BLOC1S3: variants seen among roughly 807,000 people sequenced by gnomAD.
The protein encoded by BLOC1S3 is biogenesis of lysosomal organelles complex 1 subunit 3.
A neutral mutation model predicts 9.1 loss-of-function variants in BLOC1S3; 7 were observed. That is an observed-to-expected ratio of 0.77 (90% CI 0.44 to 1.45). BLOC1S3 has a LOEUF of 1.45. BLOC1S3 is among the 40% of genes most tolerant of loss of function. The probability of loss-of-function intolerance (pLI) is 0.01; values close to 1 mark genes in which losing one functional copy is unlikely to be tolerated. For synonymous variants in BLOC1S3, 145 were observed against 158.4 expected (o/e 0.92, Z 0.64); for missense variants, 307 against 315.2 (o/e 0.97, Z 0.20).
intron 2 of BLOC1S3, among the ~76,000 whole-genome samples, chr19:45,190,772 C>CTCTTATTTTATTTTA (rs1969598342): frequency 1.1e-5 from 1 of 95,164 alleles, no homozygotes; most frequent in African/African-American, 3.4e-5. Flanking sequence ...GTCACTGATG[C>CTCTTATTTTATTTTA]TTTTATTTTA....
intron 3 of BLOC1S3, among the ~76,000 whole-genome samples, chr19:45,205,173 TG>T: frequency 6.6e-6 from 1 of 152,090 alleles, no homozygotes; most frequent in Non-Finnish European, 1.5e-5. Flanking sequence ...AAATTGTGTG[TG>T]TGTGTGTGTG....
At chr19:45,186,372 A>G (rs905914055), downstream of BLOC1S3, among the ~76,000 whole-genome samples, 1 of 152,174 alleles carries the variant, frequency 6.6e-6, no homozygotes, top group Admixed American at 6.6e-5. Context: ...TACGTTGCTC[A>G]GGCTGGTCTT....
At chr19:45,189,596 CTTT>C (rs71338753) in intron 2 of BLOC1S3, among the ~76,000 whole-genome samples, 3 of 116,002 alleles carry the variant, frequency 2.6e-5, no homozygotes, top group Non-Finnish European at 3.7e-5. Flanking sequence ...CCAAGCCTGG[CTTT>C]TTTTTTTTTT....
At chr19:45,197,820 G>A (rs568396482) in intron 2 of BLOC1S3, among the ~76,000 whole-genome samples, 7 of 89,144 alleles carry the variant, frequency 7.9e-5, no homozygotes, top group East Asian at 6.0e-4. Context: ...GCGAGACTCC[G>A]TCTCAAAAAA....
At chr19:45,182,245 C>T (rs1200972007), downstream of BLOC1S3, among the ~76,000 whole-genome samples, 9 of 151,546 alleles carry the variant, frequency 5.9e-5, no homozygotes, top group Non-Finnish European at 7.4e-5. Flanking sequence ...GGCCGAGGCA[C>T]GTGCTAGTAA....
chr19:45,199,309 CTTTTTT>C (rs34967306), intron 2 of BLOC1S3, among the ~76,000 whole-genome samples: 1 of 72,474 alleles, frequency 1.4e-5, no homozygotes, highest in African/African-American at 6.0e-5. Context: ...GTGCCTTATT[CTTTTTT>C]TTTTTTTTTT....
chr19:45,204,561 T>G (rs1969713697), intron 3 of BLOC1S3, among the ~76,000 whole-genome samples: 1 of 152,070 alleles, frequency 6.6e-6, no homozygotes, highest in Non-Finnish European at 1.5e-5. Context: ...GCTGGAGTCA[T>G]CCAAAGGCTC....
At chr19:45,206,353 C>CAA (rs529931068) in intron 3 of BLOC1S3, among the ~76,000 whole-genome samples, 26 of 83,796 alleles carry the variant, frequency 3.1e-4, no homozygotes, top group Admixed American at 4.8e-4. Context: ...GTGAAACTCT[C>CAA]AAAAAAAAAA....
At chr19:45,186,938 A>T (rs1052626607), upstream of BLOC1S3, among the ~76,000 whole-genome samples, 4 of 152,200 alleles carry the variant, frequency 2.6e-5, no homozygotes, top group African/African-American at 9.7e-5. Context: ...TCAGCTCTGT[A>T]TGGGCAGTGC....
At chr19:45,202,502 C>CT (rs1211745252) in exon 3 of BLOC1S3, 2 of 152,896 alleles carry the variant, frequency 1.3e-5, no homozygotes, top group African/African-American at 4.8e-5. Context: ...CTTCAGTCAG[C>CT]TTGTGGTGAG....
rs1969485193 is a variant in BLOC1S3 at position 45,179,751 on chromosome 19, C to A, written c.455C>A (p.Ala152Glu). Residue 152 changes from alanine to glutamate, a missense_variant, in exon 2 of 2, where the codon GCG (alanine) becomes GAG (glutamate). Ala to Glu is a moderately radical substitution (Grantham distance 107). Transcript: ENST00000433642. This position sits in a 1 kb window ranked among gnomAD's most constrained non-coding sequence, Gnocchi z 4.6. Reference sequence around the variant, plus strand: ...AGTAGGCTGGCGGCAGCCCAGGCGGCGGGGCTGGCGGCGGCCCACAGCGTG... The same window carrying A: ...AGTAGGCTGGCGGCAGCCCAGGCGGAGGGGCTGGCGGCGGCCCACAGCGTG... ...LASRLAAAQA[A>E]GLAAAHSVRL... 1 of 1,466,228 alleles carries A rather than the reference C, an allele frequency of 6.8e-7. No homozygotes were observed. Among genetic ancestry groups the A allele is most frequent in the South Asian group, 1.4e-5 (1 of 74,052 alleles). 90.8% of individuals were successfully genotyped at this position (1,466,228 alleles called of 1,614,324 possible).
chr19:45,194,545 T>C (rs2532037), intron 2 of BLOC1S3, among the ~76,000 whole-genome samples: 8,303 of 152,310 alleles, frequency 0.055, 340 homozygotes, highest in African/African-American at 0.11. Flanking sequence ...AAATTGTTTG[T>C]ACCTTCAAAC....
downstream of BLOC1S3, among the ~76,000 whole-genome samples, chr19:45,186,117 T>TA (rs147357749): frequency 0.016 from 2,408 of 149,840 alleles, 64 homozygotes; most frequent in African/African-American, 0.055. Flanking sequence ...TGTCTCAAAA[T>TA]AAAAAAAAAG....
chr19:45,215,636 T>C (rs1202840822), intron 3 of BLOC1S3, among the ~76,000 whole-genome samples: 3 of 152,164 alleles, frequency 2.0e-5, no homozygotes, highest in Non-Finnish European at 4.4e-5. Flanking sequence ...ACTATCCCCA[T>C]GGAACGGATG....
rs552143332 is a variant in BLOC1S3 at position 45,179,489 on chromosome 19, TCGGAGC to T, written c.210_215del (p.Glu72_Pro73del). ...GGCTGGGGAAGCCGCGGAGACCGAC[TCGGAGC>T]CGGAGCCGGAGCCGGAACCGACGGC... is the stretch of plus-strand genomic sequence containing the variant. On this transcript the variant is annotated inframe_deletion, in exon 2 of 2. Coordinates refer to ENST00000433642, the MANE Select transcript of BLOC1S3 (RefSeq NM_212550.5). The surrounding 1 kb of genome is among the most constrained non-coding windows in gnomAD (Gnocchi z 4.6). 2.5e-4 allele frequency: 379 copies of T among 1,523,590 alleles called. 1 individual carries two copies. Among genetic ancestry groups the T allele is most frequent in the African/African-American group, 3.7e-4 (26 of 71,128 alleles). The allele number at this position is 1,523,590 out of a possible 1,614,324, so 94.4% of individuals were successfully genotyped here.
At chr19:45,205,447 G>A (rs758671654) in intron 3 of BLOC1S3, among the ~76,000 whole-genome samples, 10 of 152,192 alleles carry the variant, frequency 6.6e-5, no homozygotes, top group Non-Finnish European at 1.3e-4. Flanking sequence ...TTACAGGCGT[G>A]AGCCCTGCAC....
chr19:45,198,688 GTTTGTT>G (rs757351037), intron 2 of BLOC1S3, among the ~76,000 whole-genome samples: 1 of 151,786 alleles, frequency 6.6e-6, no homozygotes, highest in Non-Finnish European at 1.5e-5. Flanking sequence ...TCCATTGTAT[GTTTGTT>G]TTTGTTTTTG....
rs577824368 is a variant in BLOC1S3 at position 45,202,136 on chromosome 19, C to T, written n.181-270C>T. ...CTGAGGCAGGAGAATGGCGTGAACC[C>T]GGGAGGCAGAGCTTGCAGTTAGCCC... On this transcript the variant is annotated intron_variant and non_coding_transcript_variant, in intron 2 of 3. Coordinates refer to the BLOC1S3 transcript ENST00000591569. Among the ~76,000 whole-genome samples, 7 of 149,032 alleles carry T rather than the reference C, an allele frequency of 4.7e-5. No individual in the cohort carries two copies. The East Asian group carries it at 6.1e-4, about 13-fold the overall frequency.
At chr19:45,213,227 C>A in intron 3 of BLOC1S3, 1 of 1,612,050 alleles carries the variant, frequency 6.2e-7, no homozygotes. Context: ...GCAAAGAAGG[C>A]ACGGTCCCGA....
Sources: allele counts gnomAD v4.1 joint callset (sites outside exome capture counted in the v4.1 genomes callset), GRCh38; gene constraint gnomAD v4.1.1; non-coding constraint Gnocchi (gnomAD v3.1); transcripts MANE v1.5; gene names NCBI Gene and HGNC (gene_info 2026-07-23, HGNC 2026-07-21).